PRKG1: variants seen among roughly 807,000 people sequenced by gnomAD.
PRKG1 encodes the protein cGMP-dependent protein kinase 1.
In PRKG1, 35 loss-of-function variants were observed where a neutral mutation model predicts 88.1. That is an observed-to-expected ratio of 0.40 (90% CI 0.30 to 0.53). The LOEUF (loss-of-function observed/expected upper bound fraction) is 0.53, where lower values mean the gene tolerates loss of function less well. PRKG1 is among the 20% of genes least tolerant of loss of function. The probability of loss-of-function intolerance (pLI) is 0.59; values close to 1 mark genes in which losing one functional copy is unlikely to be tolerated. For synonymous variants in PRKG1, 303 were observed against 292.5 expected, an observed-to-expected ratio of 1.04 and a Z score of -0.37; for missense variants, 540 against 839.8, an observed-to-expected ratio of 0.64 and a Z score of 4.41.
At chr10:51,549,130 T>C (rs1348252325) in intron 3 of PRKG1, among the ~76,000 whole-genome samples, 1 of 119,142 alleles carries the variant, frequency 8.4e-6, no homozygotes, top group Non-Finnish European at 1.8e-5. Flanking sequence ...CTTTTTTTTT[T>C]TTTTTTTTTT....
At chr10:51,063,515 A>G (rs1843714957) in intron 1 of PRKG1, among the ~76,000 whole-genome samples, 1 of 152,180 alleles carries the variant, frequency 6.6e-6, no homozygotes, top group Admixed American at 6.5e-5. Context: ...TATGGTATAA[A>G]AGATAAAAAA....
chr10:51,255,942 T>C (rs1839547222), intron 2 of PRKG1, among the ~76,000 whole-genome samples: 2 of 152,066 alleles, frequency 1.3e-5, no homozygotes, highest in Non-Finnish European at 2.9e-5. Flanking sequence ...ATGAGGGAAA[T>C]AAGGGCCCAG....
intron 1 of PRKG1, among the ~76,000 whole-genome samples, chr10:51,000,427 G>A (rs1424106839): frequency 6.6e-6 from 1 of 152,168 alleles, no homozygotes; most frequent in East Asian, 1.9e-4. Flanking sequence ...AAATGTTTGA[G>A]AGCCTCTGAT....
chr10:51,154,301 TATCTGGAGAC>T (rs1292730504), intron 2 of PRKG1, among the ~76,000 whole-genome samples: 2 of 151,878 alleles, frequency 1.3e-5, no homozygotes, highest in African/African-American at 4.8e-5. Context: ...CATTTGGTGA[TATCTGGAGAC>T]ATTTTTGGTT....
At chr10:51,435,870 C>T (rs1838913445) in intron 2 of PRKG1, among the ~76,000 whole-genome samples, 2 of 151,958 alleles carry the variant, frequency 1.3e-5, no homozygotes, top group South Asian at 2.1e-4. Context: ...AGTGTCTGAG[C>T]TTGCTTTCTC....
intron 4 of PRKG1, among the ~76,000 whole-genome samples, chr10:51,888,154 A>T (rs1298488962): frequency 6.6e-6 from 1 of 152,016 alleles, no homozygotes; most frequent in Non-Finnish European, 1.5e-5. Context: ...GGCCCAACTC[A>T]TTAAAAGATA....
intron 5 of PRKG1, among the ~76,000 whole-genome samples, chr10:51,969,092 T>C (rs1402158759): frequency 6.6e-6 from 1 of 152,154 alleles, no homozygotes; most frequent in African/African-American, 2.4e-5. Flanking sequence ...ATGGTAAATG[T>C]TAACATTGGT....
chr10:51,851,119 C>T (rs929094498), intron 4 of PRKG1, among the ~76,000 whole-genome samples: 3 of 152,032 alleles, frequency 2.0e-5, no homozygotes, highest in Non-Finnish European at 2.9e-5. Flanking sequence ...TACTATGCAG[C>T]TGTTAATAGA....
intron 1 of PRKG1, among the ~76,000 whole-genome samples, chr10:51,030,728 T>C (rs1016946109): frequency 4.6e-5 from 7 of 152,028 alleles, no homozygotes; most frequent in African/African-American, 1.7e-4. Flanking sequence ...GAGCGGGTTG[T>C]TTAAAGAGCC....
intron 3 of PRKG1, among the ~76,000 whole-genome samples, chr10:51,524,002 C>G (rs1465443211): frequency 6.6e-6 from 1 of 152,046 alleles, no homozygotes; most frequent in East Asian, 1.9e-4. Flanking sequence ...TTAGCATCAT[C>G]CTCTCTGGGC....
rs78415024 is a variant in PRKG1, at chr10:51,665,050, T to A, written c.593-139535T>A. ...ATTCACAAACGTTCTGCTATTCAAG[T>A]CTGTTGTCACTTCTGAGTACAAATC... On this transcript the variant is annotated intron_variant, in intron 3 of 17. Coordinates refer to ENST00000373980, the MANE Select transcript of PRKG1 (RefSeq NM_006258.4). 4.1e-3 allele frequency among the ~76,000 whole-genome samples: 629 copies of A among 152,286 alleles called. 5 individuals carry two copies. The highest frequency in any genetic ancestry group is 7.2e-3 in the Non-Finnish European group (488 of 68,026).
chr10:51,540,104 A>T (rs1842263280), intron 3 of PRKG1, among the ~76,000 whole-genome samples: 1 of 152,186 alleles, frequency 6.6e-6, no homozygotes, highest in African/African-American at 2.4e-5. Flanking sequence ...CTATAACTGT[A>T]GGCATTTGTT....
intron 4 of PRKG1, 50 bp downstream of exon 4, chr10:51,804,740 C>T (rs1268492315): frequency 2.2e-6 from 3 of 1,334,718 alleles, no homozygotes; most frequent in African/African-American, 1.5e-5. Context: ...CCTTTTAGCC[C>T]TATTATCTGA....
intron 7 of PRKG1, among the ~76,000 whole-genome samples, chr10:52,120,273 G>A (rs534577644): frequency 8.1e-4 from 123 of 152,168 alleles, no homozygotes; most frequent in Non-Finnish European, 1.6e-3. Context: ...GAACTTTGGG[G>A]GATACATTCA....
At chr10:51,798,605 A>G (rs1426588800) in intron 3 of PRKG1, among the ~76,000 whole-genome samples, 1 of 152,134 alleles carries the variant, frequency 6.6e-6, no homozygotes, top group Non-Finnish European at 1.5e-5. Context: ...TCAGCCTGGT[A>G]CATTTATTTC....
intron 1 of PRKG1, among the ~76,000 whole-genome samples, chr10:50,997,766 T>G (rs964051910): frequency 6.6e-6 from 1 of 152,214 alleles, no homozygotes; most frequent in African/African-American, 2.4e-5. Flanking sequence ...AAAGGAATAC[T>G]GACCTTGAGT....
intron 7 of PRKG1, among the ~76,000 whole-genome samples, chr10:52,073,794 G>A (rs966949797): frequency 2.0e-5 from 3 of 152,038 alleles, no homozygotes; most frequent in African/African-American, 7.2e-5. Flanking sequence ...ACTCATTACA[G>A]GATTAATGGA....
intron 9 of PRKG1, among the ~76,000 whole-genome samples, chr10:52,176,173 CTTTTT>C (rs140722137): frequency 5.7e-4 from 55 of 95,684 alleles, no homozygotes; most frequent in African/African-American, 2.0e-3. Flanking sequence ...TTCTTTTTCT[CTTTTT>C]TTTTTTTTTT....
intron 1 of PRKG1, among the ~76,000 whole-genome samples, chr10:50,995,869 A>G (rs1214816539): frequency 2.0e-5 from 3 of 152,214 alleles, no homozygotes; most frequent in African/African-American, 7.2e-5. Context: ...TAAATTGATC[A>G]TTTGGAACTG....
Sources: allele counts gnomAD v4.1 joint callset (sites outside exome capture counted in the v4.1 genomes callset), GRCh38; gene constraint gnomAD v4.1.1; transcripts MANE v1.5; gene names NCBI Gene and HGNC (gene_info 2026-07-23, HGNC 2026-07-21).